The following TSPAN9 variants were observed in gnomAD, a reference collection of about 807,000 sequenced individuals.
TSPAN9 encodes the protein tetraspanin 9.
Under a neutral mutation model 31.0 loss-of-function variants are expected in TSPAN9, and 16 were observed. The observed-to-expected ratio is 0.52, with a 90% CI of 0.35 to 0.78. The LOEUF is 0.78. Ranked by LOEUF, TSPAN9 falls within the 30% of genes least tolerant of loss-of-function variation. The pLI, the probability that TSPAN9 is intolerant of heterozygous loss-of-function variation, is 0.01. For synonymous variants in TSPAN9, 145 were observed against 121.6 expected (o/e 1.19, Z -1.27); for missense variants, 272 against 312.5 (o/e 0.87, Z 0.98).
intron 2 of TSPAN9, among the ~76,000 whole-genome samples, chr12:3,126,591 A>T (rs1458147675): frequency 6.6e-6 from 1 of 152,188 alleles, no homozygotes; most frequent in Non-Finnish European, 1.5e-5. Context: ...ATAAAGAAAT[A>T]CCTGAGACTG....
At position 3,278,477 on chromosome 12, in the gene TSPAN9, C is replaced by T. The variant is rs781406688; in HGVS notation, c.120C>T (p.Asn40=). ...VGIWLSVSQG[N]FATFSPSFPS... is the part of the protein sequence containing the mutation. The stretch of plus-strand genomic sequence containing the variant: ...TCTGGCTCTCCGTGTCCCAAGGCAA[C>T]TTTGCCACCTTCTCCCCCAGCTTCC... Residue 40 remains asparagine (N), a synonymous_variant, in exon 4 of 9, where the codon AAC becomes AAT. Transcript: ENST00000011898. 14 of 1,614,122 alleles carry T rather than the reference C, an allele frequency of 8.7e-6. No individual in the cohort carries two copies. The African/African-American group carries it at 1.7e-4, about 20-fold the overall frequency.
chr12:3,155,186 C>G (rs1233555050), intron 2 of TSPAN9, among the ~76,000 whole-genome samples: 1 of 152,052 alleles, frequency 6.6e-6, no homozygotes, highest in Non-Finnish European at 1.5e-5. Flanking sequence ...AGCTTGTGAC[C>G]CCTGCTTTAT....
At chr12:3,219,848 T>TA (rs552211012) in intron 3 of TSPAN9, among the ~76,000 whole-genome samples, 66,544 of 135,726 alleles carry the variant, frequency 0.49, 16,579 homozygotes, top group East Asian at 0.77. Context: ...CTTAAACTAT[T>TA]AAAAAAAAAA....
At chr12:3,119,446 G>A (rs1412511894) in intron 2 of TSPAN9, among the ~76,000 whole-genome samples, 1 of 152,212 alleles carries the variant, frequency 6.6e-6, no homozygotes, top group African/African-American at 2.4e-5. Context: ...GCTTCGCCAG[G>A]CCTGCTGGGA....
At chr12:3,202,941 C>T (rs936110884) in intron 3 of TSPAN9, among the ~76,000 whole-genome samples, 2 of 152,254 alleles carry the variant, frequency 1.3e-5, no homozygotes, top group African/African-American at 2.4e-5. Flanking sequence ...CTGCCAGCAT[C>T]TGTCAGCCAA....
At chr12:3,226,783 TATATATATATA>T (rs2098387975) in intron 3 of TSPAN9, among the ~76,000 whole-genome samples, 14 of 16,874 alleles carry the variant, frequency 8.3e-4, no homozygotes, top group African/African-American at 2.0e-3. Flanking sequence ...TATATATATA[TATATATATATA>T]TTTTTTTTTT....
At chr12:3,181,630 A>AG (rs1264476869) in intron 2 of TSPAN9, among the ~76,000 whole-genome samples, 1 of 152,074 alleles carries the variant, frequency 6.6e-6, no homozygotes, top group Non-Finnish European at 1.5e-5. Flanking sequence ...ACAGCCCAGA[A>AG]GGGAGGTGGG....
At chr12:3,106,467 G>A (rs2098314731) in intron 2 of TSPAN9, among the ~76,000 whole-genome samples, 1 of 152,150 alleles carries the variant, frequency 6.6e-6, no homozygotes, top group South Asian at 2.1e-4. Flanking sequence ...AAGTGGAGGA[G>A]GTCCTTAAAA....
chr12:3,109,305 A>AGTGT (rs1371644620), intron 2 of TSPAN9, among the ~76,000 whole-genome samples: 11 of 128,084 alleles, frequency 8.6e-5, no homozygotes, highest in Non-Finnish European at 1.5e-4. Flanking sequence ...TGTGTGAGAG[A>AGTGT]GAGTGTGTGT....
intron 3 of TSPAN9, among the ~76,000 whole-genome samples, chr12:3,259,428 C>T (rs1862409563): frequency 2.6e-5 from 4 of 152,240 alleles, no homozygotes; most frequent in Admixed American, 2.6e-4. Context: ...TCCATCCCTC[C>T]TTCTACAGGT....
chr12:3,267,268 T>C (rs1862553768), intron 3 of TSPAN9, among the ~76,000 whole-genome samples: 1 of 152,218 alleles, frequency 6.6e-6, no homozygotes, highest in African/African-American at 2.4e-5. Flanking sequence ...GGAGTTTGAG[T>C]AATAACACCT....
chr12:3,208,286 C>T lies in TSPAN9; in HGVS notation c.63+7030C>T, dbSNP rs572819655. On this transcript the variant is annotated intron_variant, in intron 3 of 8. Transcript: ENST00000011898. The stretch of plus-strand genomic sequence containing the variant: ...ATTGCTCTGAATGTCTTCGGGCCTT[C>T]GGGGTATATGGGAGAATGGGGGCAG... Among the ~76,000 whole-genome samples the T allele has an allele frequency of 1.2e-4, 18 of 151,788 alleles. No homozygotes were observed. In the South Asian group the frequency reaches 1.5e-3, roughly 12 times the overall value.
At chr12:3,081,016 C>T (rs2098297556) in intron 1 of TSPAN9, among the ~76,000 whole-genome samples, 1 of 152,162 alleles carries the variant, frequency 6.6e-6, no homozygotes. Context: ...TGGGTTGGGA[C>T]TTGGGCGGAT....
At chr12:3,226,652 ATGTGTGTGTGTG>A (rs59811095) in intron 3 of TSPAN9, among the ~76,000 whole-genome samples, 2,072 of 95,518 alleles carry the variant, frequency 0.022, 159 homozygotes, top group African/African-American at 0.078. Context: ...TTTTATATAT[ATGTGTGTGTGTG>A]TGTGTGTGTG....
intron 3 of TSPAN9, among the ~76,000 whole-genome samples, chr12:3,248,264 G>A (rs887432502): frequency 3.9e-5 from 6 of 152,138 alleles, no homozygotes; most frequent in African/African-American, 1.4e-4. Flanking sequence ...CTTTGAAATT[G>A]TCCTGCCTTT....
chr12:3,242,649 C>T (rs2098397171), intron 3 of TSPAN9, among the ~76,000 whole-genome samples: 1 of 152,214 alleles, frequency 6.6e-6, no homozygotes. Flanking sequence ...ATGTAATGGA[C>T]AAGCAAGGGG....
Position 3,268,781 on chromosome 12 carries a change from T to C in TSPAN9, c.64-9640T>C, listed in dbSNP as rs879057250. On this transcript the variant is annotated intron_variant, in intron 3 of 8. Transcript: ENST00000011898. Reference sequence around the variant, plus strand: ...GCGTTTCTGCAGCCTGCCCTCTCTGTGTTCCTGCAGCCTGCCCTCTCTGTG... The same window carrying C: ...GCGTTTCTGCAGCCTGCCCTCTCTGCGTTCCTGCAGCCTGCCCTCTCTGTG... Among the ~76,000 whole-genome samples the C allele has an allele frequency of 3.1e-3, 196 of 62,426 alleles. 2 individuals carry two copies. The highest frequency in any genetic ancestry group is 8.6e-3 in the African/African-American group (174 of 20,322). 41.0% of individuals were successfully genotyped at this position (62,426 alleles called of 152,430 possible).
At chr12:3,110,906 C>T (rs2153965327) in intron 2 of TSPAN9, among the ~76,000 whole-genome samples, 1 of 152,180 alleles carries the variant, frequency 6.6e-6, no homozygotes, top group South Asian at 2.1e-4. Context: ...AATTTTTAAC[C>T]AGGAGTTAAA....
chr12:3,200,293 AG>A (rs2098370637), intron 2 of TSPAN9: 1 of 152,078 alleles, frequency 6.6e-6, no homozygotes, highest in South Asian at 2.1e-4. Flanking sequence ...GGCGGGGCCG[AG>A]GGCCCGGGGA....
Sources: allele counts gnomAD v4.1 joint callset (sites outside exome capture counted in the v4.1 genomes callset), GRCh38; gene constraint gnomAD v4.1.1; transcripts MANE v1.5; gene names NCBI Gene and HGNC (gene_info 2026-07-23, HGNC 2026-07-21).